MAGI3: variants seen among roughly 807,000 people sequenced by gnomAD.
The protein encoded by MAGI3 is membrane-associated guanylate kinase, WW and PDZ domain-containing protein 3.
MAGI3 carries 43 observed loss-of-function variants against 121.8 expected under a neutral mutation model. The observed-to-expected ratio is 0.35, with a 90% CI of 0.28 to 0.46. The LOEUF (loss-of-function observed/expected upper bound fraction) is 0.46, where lower values mean the gene tolerates loss of function less well. Among genes scored for constraint, MAGI3 ranks in the 20% least tolerant of loss-of-function variants. The pLI, the probability that MAGI3 is intolerant of heterozygous loss-of-function variation, is 1.00. For synonymous variants in MAGI3, 553 were observed against 639.3 expected (o/e 0.86, Z 2.04); for missense variants, 1,547 against 1,797.3 (o/e 0.86, Z 2.52).
intron 1 of MAGI3, among the ~76,000 whole-genome samples, chr1:113,504,833 G>C (rs1044040287): frequency 1.3e-5 from 2 of 152,148 alleles, no homozygotes; most frequent in Admixed American, 1.3e-4. Flanking sequence ...ATAAATTATA[G>C]TATATTGCGG....
intron 1 of MAGI3, among the ~76,000 whole-genome samples, chr1:113,435,750 A>G (rs1200632647): frequency 6.6e-6 from 1 of 152,164 alleles, no homozygotes; most frequent in Non-Finnish European, 1.5e-5. Context: ...GAAATATTAC[A>G]AAAGACTAGA....
intron 1 of MAGI3, among the ~76,000 whole-genome samples, chr1:113,504,539 A>G (rs1657213554): frequency 6.6e-6 from 1 of 152,154 alleles, no homozygotes. Context: ...GTTGTCAAAG[A>G]TTAAAATAGT....
chr1:113,410,513 C>A (rs1377090533), intron 1 of MAGI3, among the ~76,000 whole-genome samples: 2 of 152,026 alleles, frequency 1.3e-5, no homozygotes, highest in South Asian at 4.1e-4. Flanking sequence ...TTTGGGAGAT[C>A]TTGATAATGT....
chr1:113,596,988 T>A (rs780429464), intron 6 of MAGI3, among the ~76,000 whole-genome samples: 106 of 152,042 alleles, frequency 7.0e-4, no homozygotes, highest in Non-Finnish European at 1.3e-3. Flanking sequence ...CCAAGAGGAA[T>A]GAAAACAAAA....
intron 7 of MAGI3, among the ~76,000 whole-genome samples, chr1:113,617,368 T>C (rs1650539078): frequency 6.6e-6 from 1 of 152,232 alleles, no homozygotes; most frequent in Non-Finnish European, 1.5e-5. Flanking sequence ...CACAGCTAGT[T>C]ATTTGGAAAA....
At chr1:113,396,287 T>TTGTGTGTGTGTG (rs3058309) in intron 1 of MAGI3, among the ~76,000 whole-genome samples, 21 of 146,974 alleles carry the variant, frequency 1.4e-4, no homozygotes, top group African/African-American at 2.3e-4. Flanking sequence ...AATGTCAGGG[T>TTGTGTGTGTGTG]TGTGTGTGTG....
intron 3 of MAGI3, among the ~76,000 whole-genome samples, chr1:113,583,925 A>T (rs768647712): frequency 4.1e-4 from 63 of 152,336 alleles, no homozygotes; most frequent in Non-Finnish European, 7.4e-4. Context: ...TATTTTAATG[A>T]CAATTACTGC....
intron 1 of MAGI3, among the ~76,000 whole-genome samples, chr1:113,416,519 C>G (rs1401203424): frequency 1.1e-4 from 1 of 9,318 alleles, no homozygotes; most frequent in Non-Finnish European, 4.1e-4. Context: ...TGTGATTAAT[C>G]TGGCACTGAT....
chr1:113,582,573 GA>G (rs1366633316), intron 3 of MAGI3, among the ~76,000 whole-genome samples: 2 of 151,924 alleles, frequency 1.3e-5, no homozygotes, highest in East Asian at 3.9e-4. Context: ...TACTATTTAT[GA>G]AAAAATATGT....
At chr1:113,513,622 T>C (rs555860205) in intron 1 of MAGI3, among the ~76,000 whole-genome samples, 7,835 of 152,032 alleles carry the variant, frequency 0.052, 256 homozygotes, top group Non-Finnish European at 0.075. Context: ...ATACAAAAAT[T>C]AATTCAAGAT....
chr1:113,391,294 C>A lies in MAGI3; in HGVS notation c.261C>A (p.Thr87=), dbSNP rs1276640034. 1.9e-6 allele frequency: 3 copies of A among 1,594,926 alleles called. No homozygotes were observed. In the Admixed American group the frequency reaches 5.2e-5, roughly 28 times the overall value. The change falls in exon 1 of 21, where the codon ACC becomes ACA. Residue 87 remains threonine (T), a synonymous_variant. Coordinates refer to ENST00000307546, the MANE Select transcript of MAGI3 (RefSeq NM_001142782.2). The surrounding 1 kb of genome is among the most constrained non-coding windows in gnomAD (Gnocchi z 4.4). ...TCAGCGGGCTCACCAACCGGGACAC[C>A]CTGGCTGTCATCCGCCACTTCCGCG... The part of the protein sequence containing the change: ...TPVSGLTNRD[T]LAVIRHFREP...
chr1:113,503,219 TAAAAAAAAAAAAAAAAAAAA>T (rs869272201), intron 1 of MAGI3, among the ~76,000 whole-genome samples: 29 of 8,996 alleles, frequency 3.2e-3, no homozygotes, highest in South Asian at 5.0e-3. Context: ...AGAGTATAAT[TAAAAAAAAAAAAAAAAAAAA>T]AAAAAAAAAA....
intron 1 of MAGI3, among the ~76,000 whole-genome samples, chr1:113,524,753 G>A (rs1658374994): frequency 6.6e-6 from 1 of 152,192 alleles, no homozygotes; most frequent in Admixed American, 6.5e-5. Flanking sequence ...GCTGAAATGA[G>A]TTAAGACTTT....
chr1:113,503,456 C>T (rs1349786767), intron 1 of MAGI3, among the ~76,000 whole-genome samples: 1 of 151,632 alleles, frequency 6.6e-6, no homozygotes, highest in African/African-American at 2.4e-5. Flanking sequence ...CCAATTATTA[C>T]CTGACATGTA....
rs59331456 is a variant in MAGI3 at position 113,503,309 on chromosome 1, GAAAAAAAAAAAAA to G, written c.317-46194_317-46182del. Reference sequence around the variant, plus strand: ...GTGTCAAAGCGAGACCCTGTCTCAGGAAAAAAAAAAAAAAAAAAAAAAAAGGCTTAATTGATTG... The same window carrying G: ...GTGTCAAAGCGAGACCCTGTCTCAGGAAAAAAAAAAAGGCTTAATTGATTG... On this transcript the variant is annotated intron_variant, in intron 1 of 20. Coordinates refer to ENST00000307546, the MANE Select transcript of MAGI3 (RefSeq NM_001142782.2). Among the ~76,000 whole-genome samples, 4 of 36,136 alleles carry G rather than the reference GAAAAAAAAAAAAA, an allele frequency of 1.1e-4. No homozygotes were observed. The East Asian group carries it at 2.7e-3, about 24-fold the overall frequency. 23.7% of individuals were successfully genotyped at this position (36,136 alleles called of 152,430 possible).
chr1:113,579,870 A>G (rs562824258), intron 2 of MAGI3, among the ~76,000 whole-genome samples: 1 of 151,972 alleles, frequency 6.6e-6, no homozygotes, highest in Non-Finnish European at 1.5e-5. Context: ...TTCTTGTCCT[A>G]GACTTGCAAC....
At chr1:113,642,912 A>G (rs547022789) in intron 10 of MAGI3, among the ~76,000 whole-genome samples, 11 of 152,350 alleles carry the variant, frequency 7.2e-5, no homozygotes, top group African/African-American at 2.2e-4. Context: ...GTAATGCACC[A>G]AAGATGTTTT....
intron 1 of MAGI3, among the ~76,000 whole-genome samples, chr1:113,495,211 A>T (rs1010388956): frequency 6.6e-6 from 1 of 151,620 alleles, no homozygotes; most frequent in Non-Finnish European, 1.5e-5. Context: ...AGAGGATCTA[A>T]TTTTTTTTTA....
rs374390206 is a variant in MAGI3 at position 113,684,000 on chromosome 1, G to A, written c.4432G>A (p.Glu1478Lys). The change falls in exon 21 of 21, where the codon GAG (glutamate) becomes AAG (lysine). Residue 1478 changes from glutamate to lysine, a missense_variant. Transcript: ENST00000307546. Reference sequence around the variant, plus strand: ...AGTCACAGGCACTATTGGTATGGCTGAGAAACGGCAGTAACCTTTAGTATA... The same window carrying A: ...AGTCACAGGCACTATTGGTATGGCTAAGAAACGGCAGTAACCTTTAGTATA... ...NKVTGTIGMAEKRQ is the reference protein window; with the variant it reads ...NKVTGTIGMAKKRQ The A allele has an allele frequency of 1.3e-6, 2 of 1,568,706 alleles. No individual in the cohort carries two copies. The highest frequency in any genetic ancestry group is 1.7e-6 in the Non-Finnish European group (2 of 1,163,838).
Sources: allele counts gnomAD v4.1 joint callset (sites outside exome capture counted in the v4.1 genomes callset), GRCh38; gene constraint gnomAD v4.1.1; non-coding constraint Gnocchi (gnomAD v3.1); transcripts MANE v1.5; gene names NCBI Gene and HGNC (gene_info 2026-07-23, HGNC 2026-07-21).